VIRMA: variants seen among roughly 807,000 people sequenced by gnomAD.
The protein encoded by VIRMA is vir like m6A methyltransferase associated, also known as protein virilizer homolog.
A neutral mutation model predicts 182.4 loss-of-function variants in VIRMA; 65 were observed. That is an observed-to-expected ratio of 0.36 (90% CI 0.29 to 0.44). VIRMA has a LOEUF of 0.44. VIRMA is among the 20% of genes least tolerant of loss of function. The pLI, the probability that VIRMA is intolerant of heterozygous loss-of-function variation, is 1.00. For synonymous variants in VIRMA, 709 were observed against 743.1 expected (o/e 0.95, Z 0.75); for missense variants, 1,752 against 2,158.1 (o/e 0.81, Z 3.73).
At chr8:94,538,449 A>G (rs1815418701) in intron 2 of VIRMA, 103 bp from the exon 3 acceptor site, 1 of 683,814 alleles carries the variant, frequency 1.5e-6, no homozygotes, top group Admixed American at 2.6e-5. Flanking sequence ...TTCTAGAATT[A>G]GAATATGATG....
chr8:94,547,212 A>G lies in VIRMA; in HGVS notation c.64-3270T>C, dbSNP rs535963674. On this transcript the variant is annotated intron_variant, in intron 1 of 23. Transcript: ENST00000297591. ...TCATAGTGCCTAGCATATTCATTTA[A>G]TAAATGAATTTTTAATAGGCACTTG... is the stretch of plus-strand genomic sequence containing the variant. 2.5e-5 allele frequency: 6 copies of G among 240,970 alleles called. No homozygotes were observed. The South Asian group carries it at 2.7e-4, about 11-fold the overall frequency. 14.9% of individuals were successfully genotyped at this position (240,970 alleles called of 1,614,324 possible).
At chr8:94,510,161 A>C (rs544851816) in intron 14 of VIRMA, among the ~76,000 whole-genome samples, 50 of 152,360 alleles carry the variant, frequency 3.3e-4, no homozygotes, top group African/African-American at 1.2e-3. Context: ...GTACTTCTTT[A>C]GGATTCACCA....
intron 1 of VIRMA, 109 bp downstream of exon 1, chr8:94,553,276 A>G: frequency 9.0e-7 from 1 of 1,110,254 alleles, no homozygotes. Context: ...TGTGTAAGCG[A>G]GAAATTAAAG....
chr8:94,505,649 A>G, intron 16 of VIRMA, among the ~76,000 whole-genome samples: 1 of 151,654 alleles, frequency 6.6e-6, no homozygotes. Flanking sequence ...TGCCCAACTA[A>G]TTTGTAAATT....
chr8:94,513,566 C>A (rs2130313306), intron 11 of VIRMA, among the ~76,000 whole-genome samples: 1 of 152,020 alleles, frequency 6.6e-6, no homozygotes, highest in East Asian at 1.9e-4. Flanking sequence ...TTTTTATAGA[C>A]CATGTTGGGA....
chr8:94,552,393 G>T (rs926083230), intron 1 of VIRMA, among the ~76,000 whole-genome samples: 2 of 152,020 alleles, frequency 1.3e-5, no homozygotes, highest in East Asian at 3.8e-4. Flanking sequence ...CCTACATTTT[G>T]CTAATACTGT....
chr8:94,538,246 T>C lies in VIRMA; in HGVS notation c.266+14A>G, dbSNP rs1866846. ...CTCATGAGTTTCTGGTGAAATTACC[T>C]AGCAGGTACATACCTTCCCAACCTA... On this transcript the variant is annotated intron_variant, in intron 3 of 23. Coordinates refer to ENST00000297591, the MANE Select transcript of VIRMA (RefSeq NM_015496.5). The C allele has an allele frequency of 0.18, 279,030 of 1,558,578 alleles. 27,057 individuals are homozygous for C. The highest frequency in any genetic ancestry group is 0.3 in the Middle Eastern group (1,783 of 5,922).
chr8:94,499,487 T>C lies in VIRMA; in HGVS notation c.4117A>G (p.Ser1373Gly). 6.4e-7 allele frequency: 1 copy of C among 1,563,810 alleles called. No individual in the cohort carries two copies. The highest frequency in any genetic ancestry group is 8.8e-7 in the Non-Finnish European group (1 of 1,139,470). ...HLKSSLRKNSSALHSLLKRVV... is the reference protein window; with the variant it reads ...HLKSSLRKNSGALHSLLKRVV... The stretch of plus-strand genomic sequence containing the variant: ...CGTTTCAGTAAACTATGCAGAGCAC[T>C]ACTGTTTTTCCTTAAAGAACTGTAA... The change falls in exon 17 of 24, where the codon AGT becomes GGT. Residue 1373 changes from serine (S) to glycine (G), a missense_variant. Transcript: ENST00000297591.
intron 22 of VIRMA, 91 bp downstream of exon 22, chr8:94,491,487 T>C: frequency 3.3e-6 from 4 of 1,217,464 alleles, no homozygotes; most frequent in Non-Finnish European, 4.6e-6. Context: ...GAAAACTGTT[T>C]ATCTGAATCT....
Position 94,499,382 on chromosome 8 carries a change from C to T in VIRMA, c.4222G>A (p.Asp1408Asn). 1 of 1,566,374 alleles carries T rather than the reference C, an allele frequency of 6.4e-7. No homozygotes were observed. The highest frequency in any genetic ancestry group is 8.7e-7 in the Non-Finnish European group (1 of 1,155,772). Residue 1408 changes from aspartate (D) to asparagine (N), a missense_variant, in exon 17 of 24, where the codon GAC becomes AAC. Coordinates refer to ENST00000297591, the MANE Select transcript of VIRMA (RefSeq NM_015496.5). ...LEFMRQILNS[D>N]TIGCCGDDNG... ...AACACACACATACTTACAATTGTGT[C>T]AGAGTTAAGAATTTGTCTCATAAAT... is the stretch of plus-strand genomic sequence containing the variant.
intron 8 of VIRMA, among the ~76,000 whole-genome samples, chr8:94,522,816 C>G (rs1292935908): frequency 6.6e-6 from 1 of 152,168 alleles, no homozygotes; most frequent in East Asian, 1.9e-4. Context: ...TTTTCCATTG[C>G]AATACATCTT....
chr8:94,536,936 G>A (rs535730774), intron 4 of VIRMA, among the ~76,000 whole-genome samples, 167 bp downstream of exon 4: 2 of 152,082 alleles, frequency 1.3e-5, no homozygotes, highest in South Asian at 2.1e-4. Context: ...CCAAGATTGC[G>A]CCACTGCACT....
chr8:94,514,922 T>C lies in VIRMA; in HGVS notation c.2698A>G (p.Asn900Asp), dbSNP rs764427105. The C allele has an allele frequency of 6.3e-7, 1 of 1,586,386 alleles. No homozygotes were observed. Among genetic ancestry groups the C allele is most frequent in the South Asian group, 1.2e-5 (1 of 85,862 alleles). The change falls in exon 11 of 24, where the codon AAC becomes GAC. Residue 900 changes from asparagine (N) to aspartate (D), a missense_variant. Around this residue, in one of 11 missense-constraint regions of VIRMA, gnomAD observed 777 missense variants for 920.6 expected, o/e 0.84. Transcript: ENST00000297591. ...ELGKWLEPLK[N>D]LRFEINCIPN... is the part of the protein sequence containing the mutation. ...ATGCAGTTAATTTCAAATCTAAGGT[T>C]TTTCAGAGGTTCAAGCCACTTGCCA...
chr8:94,489,552 TCCTCTTCCTCAG>T (rs1813546794), intron 23 of VIRMA, among the ~76,000 whole-genome samples: 1 of 152,188 alleles, frequency 6.6e-6, no homozygotes, highest in African/African-American at 2.4e-5. Context: ...AGACCTCTCC[TCCTCTTCCTCAG>T]CCTATGGAAT....
At chr8:94,544,993 T>G (rs765673741) in intron 1 of VIRMA, among the ~76,000 whole-genome samples, 11 of 151,178 alleles carry the variant, frequency 7.3e-5, no homozygotes, top group East Asian at 3.9e-4. Flanking sequence ...GAAGCAGAGG[T>G]GCATGCCTGT....
chr8:94,523,707 C>CAG (rs1814854793), intron 8 of VIRMA, among the ~76,000 whole-genome samples: 1 of 151,834 alleles, frequency 6.6e-6, no homozygotes. Context: ...CGGCTCACTG[C>CAG]AACCACTGCC....
chr8:94,495,539 A>T (rs1813740302), intron 19 of VIRMA, among the ~76,000 whole-genome samples, 192 bp downstream of exon 19: 1 of 149,512 alleles, frequency 6.7e-6, no homozygotes, highest in African/African-American at 2.5e-5. Context: ...CCTGCAAGCT[A>T]GCATAGTTTG....
At chr8:94,550,055 C>T (rs1321637783) in intron 1 of VIRMA, among the ~76,000 whole-genome samples, 1 of 150,700 alleles carries the variant, frequency 6.6e-6, no homozygotes, top group Non-Finnish European at 1.5e-5. Context: ...TGTGATCGCA[C>T]CAGTGCACTC....
At chr8:94,527,441 G>C in intron 7 of VIRMA, 78 bp from the exon 8 acceptor site, 1 of 897,434 alleles carries the variant, frequency 1.1e-6, no homozygotes, top group Non-Finnish European at 1.6e-6. Flanking sequence ...ACAAGAAATA[G>C]TTTTAATAAA....
Sources: gnomAD v4.1 joint callset for allele counts (sites outside exome capture counted in the v4.1 genomes callset) on GRCh38, gnomAD v4.1.1 for gene constraint, gnomAD v4.1.1 regional missense constraint, MANE v1.5 for transcripts, NCBI Gene and HGNC (gene_info 2026-07-23, HGNC 2026-07-21) for gene names.